HDAC9: variants seen among roughly 807,000 people sequenced by gnomAD.
HDAC9 encodes the protein MEF-2 interacting transcription repressor (MITR) protein.
In HDAC9, 41 loss-of-function variants were observed where a neutral mutation model predicts 139.4. The observed-to-expected ratio is 0.29, with a 90% CI of 0.23 to 0.38. The LOEUF is 0.38. Among genes scored for constraint, HDAC9 ranks in the 10% least tolerant of loss-of-function variants. HDAC9 has a pLI of 1.00. For synonymous variants in HDAC9, 517 were observed against 476.2 expected, an observed-to-expected ratio of 1.09 and a Z score of -1.12; for missense variants, 1,147 against 1,297.0, an observed-to-expected ratio of 0.88 and a Z score of 1.78.
intron 7 of HDAC9, among the ~76,000 whole-genome samples, chr7:18,631,322 G>A (rs1782262101): frequency 6.6e-6 from 1 of 152,096 alleles, no homozygotes; most frequent in Admixed American, 6.6e-5. Flanking sequence ...TTTCTGGTGA[G>A]TGGACTTACG....
At chr7:18,590,516 C>G in intron 4 of HDAC9, 30 bp downstream of exon 4, 1 of 1,570,902 alleles carries the variant, frequency 6.4e-7, no homozygotes. Context: ...ACGATGGACT[C>G]TCTTTCCTCA....
chr7:18,662,212 C>A (rs189804659), intron 11 of HDAC9, among the ~76,000 whole-genome samples: 46 of 152,168 alleles, frequency 3.0e-4, no homozygotes, highest in Non-Finnish European at 1.0e-4. Flanking sequence ...AAATGTTTCA[C>A]CTTTGCTGCC....
chr7:18,319,686 T>G (rs996804806), intron 1 of HDAC9, among the ~76,000 whole-genome samples: 2 of 152,208 alleles, frequency 1.3e-5, no homozygotes, highest in Non-Finnish European at 2.9e-5. Context: ...TAAGAGGCAC[T>G]TCTGTTGTGT....
At chr7:18,856,324 T>C (rs1435775724) in intron 21 of HDAC9, among the ~76,000 whole-genome samples, 1 of 152,120 alleles carries the variant, frequency 6.6e-6, no homozygotes, top group Admixed American at 6.6e-5. Flanking sequence ...TGATTAGATT[T>C]TTTAACTGCA....
chr7:18,583,038 TTTTA>T (rs1476300562), intron 2 of HDAC9, among the ~76,000 whole-genome samples: 3 of 152,322 alleles, frequency 2.0e-5, no homozygotes, highest in East Asian at 1.9e-4. Flanking sequence ...TGTTGCATTC[TTTTA>T]TTTGTTTTGA....
intron 2 of HDAC9, among the ~76,000 whole-genome samples, chr7:18,572,201 A>G (rs950256829): frequency 1.3e-5 from 2 of 151,498 alleles, no homozygotes; most frequent in Non-Finnish European, 2.9e-5. Flanking sequence ...TTATAAGGGA[A>G]TCCCTTGCCT....
chr7:18,666,976 A>G (rs1795040785), intron 12 of HDAC9: 1 of 986,336 alleles, frequency 1.0e-6, no homozygotes, highest in African/African-American at 1.7e-5. Context: ...AGTCTTGAAC[A>G]CTGTTAAAGG....
intron 1 of HDAC9, among the ~76,000 whole-genome samples, chr7:18,406,508 C>G (rs746024417): frequency 2.2e-4 from 34 of 152,226 alleles, no homozygotes; most frequent in Non-Finnish European, 3.5e-4. Flanking sequence ...ATTTTCCTGC[C>G]TCAGCCTCCC....
At chr7:18,811,748 A>C (rs1445698487) in intron 17 of HDAC9, among the ~76,000 whole-genome samples, 1 of 151,750 alleles carries the variant, frequency 6.6e-6, no homozygotes, top group East Asian at 1.9e-4. Context: ...AAGTTGAAAA[A>C]TTTTAAACAA....
intron 1 of HDAC9, among the ~76,000 whole-genome samples, chr7:18,094,975 G>A (rs1782410872): frequency 6.6e-6 from 1 of 152,070 alleles, no homozygotes; most frequent in Admixed American, 6.5e-5. Flanking sequence ...CTTAAGTCTC[G>A]TTCTATAGCT....
chr7:18,361,925 C>G (rs1050783300), intron 1 of HDAC9, among the ~76,000 whole-genome samples: 1 of 152,292 alleles, frequency 6.6e-6, no homozygotes, highest in Non-Finnish European at 1.5e-5. Flanking sequence ...CTTATTTCTT[C>G]CCTTCTCTCC....
At chr7:18,933,766 TAAAAG>T (rs747379822) in intron 22 of HDAC9, among the ~76,000 whole-genome samples, 8 of 151,722 alleles carry the variant, frequency 5.3e-5, no homozygotes, top group East Asian at 3.9e-4. Flanking sequence ...CTGAAAGAAA[TAAAAG>T]AAGAAATAAA....
chr7:18,654,650 C>T (rs773226790), intron 11 of HDAC9, among the ~76,000 whole-genome samples: 7 of 151,990 alleles, frequency 4.6e-5, no homozygotes, highest in African/African-American at 7.3e-5. Context: ...AGCAGGAAAC[C>T]GGCTTTTCCT....
rs540913276 is a variant in HDAC9, at chr7:18,819,842, T to C, written c.2323-9319T>C. 6.6e-5 allele frequency among the ~76,000 whole-genome samples: 10 copies of C among 152,348 alleles called. No individual in the cohort carries two copies. In the South Asian group the frequency reaches 8.3e-4, roughly 13 times the overall value. ...AATCAGTTTATTAAAATAAAATCTA[T>C]GTCACCATTAAGTTGACTGAAATCC... On this transcript the variant is annotated intron_variant, in intron 17 of 25. Coordinates refer to ENST00000686413, the MANE Select transcript of HDAC9 (RefSeq NM_178425.4).
chr7:18,889,636 CA>C (rs1208756578), intron 22 of HDAC9, among the ~76,000 whole-genome samples: 4 of 152,092 alleles, frequency 2.6e-5, no homozygotes, highest in Admixed American at 2.6e-4. Context: ...GGCAGTGGTT[CA>C]AAAAGCAGGC....
At chr7:18,528,482 T>C (rs975147439) in intron 2 of HDAC9, among the ~76,000 whole-genome samples, 2 of 152,114 alleles carry the variant, frequency 1.3e-5, no homozygotes, top group Non-Finnish European at 2.9e-5. Flanking sequence ...TGTCAGATCC[T>C]TTAGTTAAAA....
intron 25 of HDAC9, among the ~76,000 whole-genome samples, chr7:18,977,019 T>G (rs559188000): frequency 4.6e-5 from 7 of 152,238 alleles, no homozygotes; most frequent in Non-Finnish European, 1.0e-4. Context: ...CATCTTGTTT[T>G]GGCCAAGAAC....
chr7:18,683,457 G>C, intron 12 of HDAC9, among the ~76,000 whole-genome samples: 1 of 152,016 alleles, frequency 6.6e-6, no homozygotes, highest in Non-Finnish European at 1.5e-5. Context: ...CTTCTGAGCA[G>C]AACCCACAGT....
intron 2 of HDAC9, among the ~76,000 whole-genome samples, chr7:18,565,253 C>T (rs1438829692): frequency 2.0e-5 from 3 of 152,190 alleles, no homozygotes; most frequent in African/African-American, 7.2e-5. Context: ...GCCTCAGCCT[C>T]CCAAAGTGTT....
Sources: gnomAD v4.1 joint callset for allele counts (sites outside exome capture counted in the v4.1 genomes callset) on GRCh38, gnomAD v4.1.1 for gene constraint, MANE v1.5 for transcripts, NCBI Gene and HGNC (gene_info 2026-07-23, HGNC 2026-07-21) for gene names.